GDAP1L1: variants seen among roughly 807,000 people sequenced by gnomAD.
The protein encoded by GDAP1L1 is ganglioside induced differentiation associated protein 1 like 1.
Under a neutral mutation model 37.1 loss-of-function variants are expected in GDAP1L1, and 21 were observed. The ratio of observed to expected loss-of-function variants is 0.57; its 90% CI spans 0.40 to 0.81. The LOEUF is 0.81. Among genes scored for constraint, GDAP1L1 ranks in the 40% least tolerant of loss-of-function variants. The pLI is 0.00. For synonymous variants in GDAP1L1, 193 were observed against 209.1 expected (o/e 0.92, Z 0.67); for missense variants, 362 against 491.6 (o/e 0.74, Z 2.49).
At chr20:44,266,938 C>T (rs1432209411) in intron 5 of GDAP1L1, among the ~76,000 whole-genome samples, 2 of 152,108 alleles carry the variant, frequency 1.3e-5, no homozygotes, top group African/African-American at 4.8e-5. Flanking sequence ...CTAACACTGA[C>T]GATAACTGAT....
chr20:44,265,855 T>A (rs2073753588), intron 5 of GDAP1L1, among the ~76,000 whole-genome samples: 1 of 152,142 alleles, frequency 6.6e-6, no homozygotes, highest in African/African-American at 2.4e-5. Flanking sequence ...TCTCGATGGG[T>A]CCAGTGTTGT....
At chr20:44,249,094 G>T (rs910536162) in intron 1 of GDAP1L1, among the ~76,000 whole-genome samples, 1 of 151,708 alleles carries the variant, frequency 6.6e-6, no homozygotes, top group Non-Finnish European at 1.5e-5. Context: ...GGAGGGCAGT[G>T]GCATGATTTT....
intron 5 of GDAP1L1, among the ~76,000 whole-genome samples, chr20:44,273,227 A>G (rs2062538489): frequency 6.6e-6 from 1 of 152,192 alleles, no homozygotes; most frequent in East Asian, 1.9e-4. Context: ...TGGGGATAAT[A>G]ACATCACCTT....
At position 44,264,748 on chromosome 20, in the gene GDAP1L1, G is replaced by A. The variant is rs551077982; in HGVS notation, c.760+189G>A. ...CTTCCTAGCTTAGTAAATGTGGTCA[G>A]GTTCTCCCCTCTCTGAAATTCAGTT... On this transcript the variant is annotated intron_variant, in intron 5 of 5. Transcript: ENST00000342560. 8 of 1,284,208 alleles carry A rather than the reference G, an allele frequency of 6.2e-6. No individual in the cohort carries two copies. The South Asian group carries it at 8.9e-5, about 14-fold the overall frequency. 79.6% of individuals were successfully genotyped at this position (1,284,208 alleles called of 1,614,324 possible).
rs969853234 is a variant in GDAP1L1 at position 44,256,574 on chromosome 20, C to T, written c.181-579C>T. ...AGTCGGGAGGCTGAGGCAGGAGAAT[C>T]GCTTGAGTCCAGGAGGCAGAGGTTG... is the stretch of plus-strand genomic sequence containing the variant. On this transcript the variant is annotated intron_variant, in intron 1 of 5. Coordinates refer to ENST00000342560, the MANE Select transcript of GDAP1L1 (RefSeq NM_024034.6). 3.3e-5 allele frequency among the ~76,000 whole-genome samples: 5 copies of T among 151,844 alleles called. No individual in the cohort carries two copies. In the South Asian group the frequency reaches 8.3e-4, roughly 25 times the overall value.
In GDAP1L1 at chr20:44,279,798, G is replaced by A; in HGVS notation, c.*498G>A. On this transcript the variant is annotated 3_prime_UTR_variant, in exon 6 of 6. Coordinates refer to ENST00000342560, the MANE Select transcript of GDAP1L1 (RefSeq NM_024034.6). ...ACCTCTGAATGGGGCTGGATAACCG[G>A]AGACCCCATGGGAGGTCCCTGAAGA... 2.1e-6 allele frequency: 1 copy of A among 471,564 alleles called. No homozygotes were observed. The highest frequency in any genetic ancestry group is 4.4e-6 in the Non-Finnish European group (1 of 227,172). The allele number at this position is 471,564 out of a possible 1,614,324, so 29.2% of individuals were successfully genotyped here. A position where few individuals can be genotyped will look rare whatever the true frequency, so the allele number is the denominator to read the frequency against.
chr20:44,277,249 G>C (rs1468361549), intron 5 of GDAP1L1, among the ~76,000 whole-genome samples: 3 of 152,120 alleles, frequency 2.0e-5, no homozygotes, highest in Non-Finnish European at 1.5e-5. Flanking sequence ...TTACAGGCGT[G>C]AGCCACGGCG....
At chr20:44,269,269 C>T (rs575359083) in intron 5 of GDAP1L1, among the ~76,000 whole-genome samples, 46 of 151,970 alleles carry the variant, frequency 3.0e-4, no homozygotes, top group African/African-American at 1.0e-3. Flanking sequence ...CTTGCTCTCA[C>T]GGAGTTTGCA....
chr20:44,247,634 T>G, intron 1 of GDAP1L1, 120 bp downstream of exon 1: 5 of 927,380 alleles, frequency 5.4e-6, no homozygotes, highest in Non-Finnish European at 6.2e-6. Context: ...GGTTTGGGGG[T>G]CCCGGAGGTC....
At chr20:44,265,922 C>A (rs1397110672) in intron 5 of GDAP1L1, among the ~76,000 whole-genome samples, 1 of 152,136 alleles carries the variant, frequency 6.6e-6, no homozygotes, top group East Asian at 1.9e-4. Context: ...CGAACAGAGA[C>A]ATCATCATGC....
chr20:44,271,958 G>C (rs887672573), intron 5 of GDAP1L1, among the ~76,000 whole-genome samples: 1 of 152,208 alleles, frequency 6.6e-6, no homozygotes, highest in African/African-American at 2.4e-5. Flanking sequence ...GGTCATGAGA[G>C]CAGATTCAGG....
At chr20:44,270,917 G>T (rs2062508706) in intron 5 of GDAP1L1, among the ~76,000 whole-genome samples, 1 of 152,216 alleles carries the variant, frequency 6.6e-6, no homozygotes, top group African/African-American at 2.4e-5. Context: ...GGAGAATTGG[G>T]CTCCGCTGAA....
chr20:44,258,323 G>T (rs2073603025), intron 2 of GDAP1L1, 111 bp from the exon 3 acceptor site: 1 of 1,043,634 alleles, frequency 9.6e-7, no homozygotes, highest in African/African-American at 1.6e-5. Flanking sequence ...GAGCATGGGG[G>T]TGCCCAGGGC....
chr20:44,273,222 A>T (rs763269472), intron 5 of GDAP1L1, among the ~76,000 whole-genome samples: 6 of 152,176 alleles, frequency 3.9e-5, no homozygotes, highest in Non-Finnish European at 8.8e-5. Flanking sequence ...TAAAGTGGGG[A>T]TAATAACATC....
Position 44,264,551 on chromosome 20 carries a change from A to C in GDAP1L1, c.752A>C (p.Glu251Ala). Residue 251 changes from glutamate (E) to alanine (A), a missense_variant, in exon 5 of 6, where the codon GAG becomes GCG. Glu to Ala is a moderately radical substitution (Grantham distance 107, BLOSUM62 -1). Coordinates refer to ENST00000342560, the MANE Select transcript of GDAP1L1 (RefSeq NM_024034.6). ...IEAELEKRKL[E>A]NEGQKCELWL... ...GCGGAGCTGGAGAAGAGGAAGCTGGAGAACGAGGGTGGGTGCCAGCCCTGG... is the reference window on the plus strand; with the variant it reads ...GCGGAGCTGGAGAAGAGGAAGCTGGCGAACGAGGGTGGGTGCCAGCCCTGG... The C allele has an allele frequency of 6.2e-7, 1 of 1,610,146 alleles. No homozygotes were observed. The highest frequency in any genetic ancestry group is 1.1e-5 in the South Asian group (1 of 90,662).
chr20:44,265,688 C>G (rs1269399399), intron 5 of GDAP1L1, among the ~76,000 whole-genome samples: 2 of 152,142 alleles, frequency 1.3e-5, no homozygotes, highest in African/African-American at 4.8e-5. Context: ...ATTCAATATA[C>G]TCAGCACACT....
intron 5 of GDAP1L1, among the ~76,000 whole-genome samples, chr20:44,271,920 C>A (rs1216069887): frequency 6.6e-6 from 1 of 152,172 alleles, no homozygotes; most frequent in African/African-American, 2.4e-5. Context: ...GAGAGGAGTA[C>A]CCCAGGCCTG....
At chr20:44,254,372 C>T (rs2073500451) in intron 1 of GDAP1L1, among the ~76,000 whole-genome samples, 1 of 152,212 alleles carries the variant, frequency 6.6e-6, no homozygotes, top group Non-Finnish European at 1.5e-5. Context: ...CACTCACACT[C>T]AGACCCAAAC....
intron 1 of GDAP1L1, among the ~76,000 whole-genome samples, chr20:44,254,874 C>T (rs1420338134): frequency 1.3e-5 from 2 of 152,186 alleles, no homozygotes; most frequent in African/African-American, 2.4e-5. Flanking sequence ...CTCTAGGACA[C>T]ACCAGGGTGT....
Sources: gnomAD v4.1 joint callset for allele counts (sites outside exome capture counted in the v4.1 genomes callset) on GRCh38, gnomAD v4.1.1 for gene constraint, MANE v1.5 for transcripts, NCBI Gene and HGNC (gene_info 2026-07-23, HGNC 2026-07-21) for gene names.